PCDH9: variants seen among roughly 807,000 people sequenced by gnomAD.
The protein encoded by PCDH9 is protocadherin-9.
PCDH9 carries 24 observed loss-of-function variants against 70.6 expected under a neutral mutation model. That is an observed-to-expected ratio of 0.34 (90% CI 0.25 to 0.48). PCDH9 has a LOEUF of 0.48. Ranked by LOEUF, PCDH9 falls within the 20% of genes least tolerant of loss-of-function variation. PCDH9 has a pLI of 0.99. For missense variants in PCDH9, 1,281 were observed against 1,503.6 expected, an observed-to-expected ratio of 0.85 and a Z score of 2.45; for synonymous variants, 562 against 558.5, an observed-to-expected ratio of 1.01 and a Z score of -0.09.
At chr13:66,319,897 A>G (rs539977623) in intron 4 of PCDH9, among the ~76,000 whole-genome samples, 2 of 152,130 alleles carry the variant, frequency 1.3e-5, no homozygotes, top group Non-Finnish European at 2.9e-5. Flanking sequence ...AATGGTCTAA[A>G]CATAATTTCC....
intron 4 of PCDH9, among the ~76,000 whole-genome samples, chr13:66,321,310 A>T (rs1403173010): frequency 1.3e-5 from 2 of 152,064 alleles, no homozygotes; most frequent in Non-Finnish European, 2.9e-5. Flanking sequence ...GCTTGTTTGC[A>T]GGGGGTGAGC....
chr13:66,921,156 T>C (rs956336574), intron 2 of PCDH9, among the ~76,000 whole-genome samples: 1 of 151,194 alleles, frequency 6.6e-6, no homozygotes, highest in African/African-American at 2.4e-5. Flanking sequence ...TAAGAGCAGA[T>C]AACTGAGTTG....
At chr13:66,984,445 T>G (rs936040467) in intron 2 of PCDH9, among the ~76,000 whole-genome samples, 3 of 152,216 alleles carry the variant, frequency 2.0e-5, no homozygotes, top group Admixed American at 2.0e-4. Context: ...AAACACATAC[T>G]GCCTGAGTGC....
intron 4 of PCDH9, among the ~76,000 whole-genome samples, chr13:66,344,884 C>T (rs1051634732): frequency 3.9e-5 from 6 of 152,196 alleles, no homozygotes; most frequent in Non-Finnish European, 8.8e-5. Flanking sequence ...GAATGGGATG[C>T]TTTGTCTAAC....
chr13:66,984,061 A>G (rs2083836876), intron 2 of PCDH9, among the ~76,000 whole-genome samples: 1 of 152,096 alleles, frequency 6.6e-6, no homozygotes, highest in South Asian at 2.1e-4. Context: ...GCTATAATTT[A>G]TATATCTTTT....
intron 3 of PCDH9, among the ~76,000 whole-genome samples, chr13:66,678,990 C>G (rs929558398): frequency 6.6e-6 from 1 of 150,894 alleles, no homozygotes; most frequent in Non-Finnish European, 1.5e-5. Context: ...AATAAAAATT[C>G]GAAAGAACAT....
chr13:66,725,794 A>C (rs972962224), intron 3 of PCDH9, among the ~76,000 whole-genome samples: 1 of 152,210 alleles, frequency 6.6e-6, no homozygotes, highest in African/African-American at 2.4e-5. Flanking sequence ...TTACAAATAG[A>C]GGGGGAACAG....
intron 4 of PCDH9, among the ~76,000 whole-genome samples, chr13:66,539,183 GT>G (rs1374538073): frequency 6.6e-6 from 1 of 151,944 alleles, no homozygotes; most frequent in Admixed American, 6.6e-5. Context: ...CAGAAAAATA[GT>G]TTACATCCAC....
intron 4 of PCDH9, among the ~76,000 whole-genome samples, chr13:66,593,997 C>A (rs764481912): frequency 2.0e-5 from 3 of 151,298 alleles, no homozygotes; most frequent in Non-Finnish European, 3.0e-5. Context: ...TTGGACAACA[C>A]GTGATATGGC....
chr13:66,647,291 C>T (rs546309810), intron 3 of PCDH9, among the ~76,000 whole-genome samples: 76 of 152,242 alleles, frequency 5.0e-4, no homozygotes, highest in African/African-American at 1.8e-3. Flanking sequence ...AGACTTCCTC[C>T]TTTTACTTGA....
chr13:66,959,535 T>A (rs902002428), intron 2 of PCDH9, among the ~76,000 whole-genome samples: 1 of 152,020 alleles, frequency 6.6e-6, no homozygotes, highest in Admixed American at 6.6e-5. Context: ...GGAGGATTGC[T>A]TGAGGCCCAG....
intron 3 of PCDH9, among the ~76,000 whole-genome samples, chr13:66,747,853 T>C (rs2139218688): frequency 6.6e-6 from 1 of 152,312 alleles, no homozygotes; most frequent in Middle Eastern, 3.4e-3. Context: ...CAATAATTTA[T>C]TAATTGTGGT....
At chr13:66,374,293 T>C (rs554988141) in intron 4 of PCDH9, among the ~76,000 whole-genome samples, 3 of 152,030 alleles carry the variant, frequency 2.0e-5, no homozygotes, top group African/African-American at 7.2e-5. Flanking sequence ...GTTCTCCATA[T>C]AGCATTAGAG....
intron 2 of PCDH9, among the ~76,000 whole-genome samples, chr13:67,024,585 G>T (rs899230448): frequency 2.0e-5 from 3 of 151,756 alleles, no homozygotes; most frequent in Admixed American, 6.6e-5. Flanking sequence ...GCATATATTG[G>T]TTAGGCTATT....
At chr13:66,660,312 T>C (rs2077991674) in intron 3 of PCDH9, among the ~76,000 whole-genome samples, 1 of 152,150 alleles carries the variant, frequency 6.6e-6, no homozygotes. Flanking sequence ...CCTTTTTTTT[T>C]ACTGTGAGTT....
At position 66,909,056 on chromosome 13, in the gene PCDH9, G is replaced by GT. The variant is rs569493608; in HGVS notation, c.3037-5452dup. Reference sequence around the variant, plus strand: ...CCTGTATCTATAGTATACAGAGTCTGTTTTTTTTTAATTGCTTTTTTGAGT... The same window carrying GT: ...CCTGTATCTATAGTATACAGAGTCTGTTTTTTTTTTAATTGCTTTTTTGAGT... On this transcript the variant is annotated intron_variant, in intron 2 of 4. Transcript: ENST00000377865. Among the ~76,000 whole-genome samples, 468 of 150,628 alleles carry GT rather than the reference G, an allele frequency of 3.1e-3. 1 individual carries two copies. The highest frequency in any genetic ancestry group is 5.5e-3 in the Non-Finnish European group (373 of 67,484).
intron 3 of PCDH9, among the ~76,000 whole-genome samples, chr13:66,854,699 C>A (rs1430154789): frequency 6.6e-6 from 1 of 151,874 alleles, no homozygotes; most frequent in African/African-American, 2.4e-5. Flanking sequence ...TGCTGAAGTG[C>A]TGTTTAATGT....
chr13:66,677,150 G>C (rs2078254752), intron 3 of PCDH9, among the ~76,000 whole-genome samples: 1 of 151,908 alleles, frequency 6.6e-6, no homozygotes, highest in Admixed American at 6.6e-5. Context: ...AAGCAATTTA[G>C]AAAACCATAA....
rs191042725 is a variant in PCDH9 at position 67,161,382 on chromosome 13, G to A, written c.3036+64023C>T. ...CGGGCAGTGATGAATCATTCAGGAG[G>A]CCTGCTTTGCTGCTGTTCAGCTACA... On this transcript the variant is annotated intron_variant, in intron 2 of 4. Transcript: ENST00000377865. Among the ~76,000 whole-genome samples, 408 of 152,198 alleles carry A rather than the reference G, an allele frequency of 2.7e-3. 2 individuals carry two copies. Among genetic ancestry groups the A allele is most frequent in the African/African-American group, 9.5e-3 (393 of 41,512 alleles).
Sources: gnomAD v4.1 joint callset for allele counts (sites outside exome capture counted in the v4.1 genomes callset) on GRCh38, gnomAD v4.1.1 for gene constraint, MANE v1.5 for transcripts, NCBI Gene and HGNC (gene_info 2026-07-23, HGNC 2026-07-21) for gene names.